LMLN: variants seen among roughly 807,000 people sequenced by gnomAD.
The protein encoded by LMLN is leishmanolysin like peptidase.
Under a neutral mutation model 92.3 loss-of-function variants are expected in LMLN, and 70 were observed. The observed-to-expected ratio is 0.76, with a 90% CI of 0.63 to 0.92. The LOEUF is 0.92. Ranked by LOEUF, LMLN falls within the 40% of genes least tolerant of loss-of-function variation. The pLI is 0.00. For missense variants in LMLN, 691 were observed against 814.6 expected, an observed-to-expected ratio of 0.85 and a Z score of 1.85; for synonymous variants, 308 against 296.2, an observed-to-expected ratio of 1.04 and a Z score of -0.41.
intron 10 of LMLN, among the ~76,000 whole-genome samples, chr3:197,997,647 T>A (rs1474347025): frequency 6.6e-6 from 1 of 152,216 alleles, no homozygotes; most frequent in East Asian, 1.9e-4. Context: ...GCTGTCTTAG[T>A]ATACTTGGTG....
intron 11 of LMLN, among the ~76,000 whole-genome samples, chr3:198,011,943 A>C (rs905575759): frequency 1.3e-5 from 2 of 152,262 alleles, no homozygotes; most frequent in Admixed American, 1.3e-4. Context: ...CAGGCAACCT[A>C]CAGAATGGGA....
chr3:197,997,987 C>A (rs1301720161), intron 10 of LMLN, among the ~76,000 whole-genome samples: 7 of 152,226 alleles, frequency 4.6e-5, no homozygotes, highest in Admixed American at 4.6e-4. Flanking sequence ...GTCAAACTCA[C>A]AGGACCTAAT....
chr3:198,020,766 GTATTT>G (rs1722755882), intron 12 of LMLN, among the ~76,000 whole-genome samples: 2 of 25,644 alleles, frequency 7.8e-5, no homozygotes, highest in African/African-American at 3.7e-4. Context: ...GCTAATTTTT[GTATTT>G]TTTTTTTTTT....
At position 198,031,550 on chromosome 3, in the gene LMLN, A is replaced by G. The variant is rs906533802; in HGVS notation, c.1657-4283A>G. ...TTTATTTTTGAAAATTATTTTCCTA[A>G]TGGATGATTGGGTGCAGGAAAAAAA... On this transcript the variant is annotated intron_variant, in intron 14 of 15. Coordinates refer to ENST00000330198, the Ensembl canonical transcript of LMLN. This position sits in a 1 kb window ranked among gnomAD's most constrained non-coding sequence, Gnocchi z 4.8. Among the ~76,000 whole-genome samples, 1 of 152,094 alleles carries G rather than the reference A, an allele frequency of 6.6e-6. No individual in the cohort carries two copies. Among genetic ancestry groups the G allele is most frequent in the Admixed American group, 6.5e-5 (1 of 15,268 alleles).
exon 15 of LMLN, chr3:198,035,976 C>A: frequency 6.2e-7 from 1 of 1,614,134 alleles, no homozygotes; most frequent in Non-Finnish European, 8.5e-7. Context: ...CATGTTGGGA[C>A]TTCTGTGAGC....
At chr3:197,971,259 C>T (rs1721215043) in intron 1 of LMLN, among the ~76,000 whole-genome samples, 1 of 152,176 alleles carries the variant, frequency 6.6e-6, no homozygotes, top group Admixed American at 6.5e-5. Flanking sequence ...CCTCAGGAAA[C>T]TTACAATCAT....
intron 4 of LMLN, 157 bp from the exon 5 acceptor site, chr3:197,976,441 C>G: frequency 1.9e-6 from 1 of 539,394 alleles, no homozygotes; most frequent in Non-Finnish European, 3.4e-6. Flanking sequence ...AGAGGATTTC[C>G]TATAGAACCC....
At chr3:198,033,406 A>AAT (rs1553827018) in intron 14 of LMLN, among the ~76,000 whole-genome samples, 1 of 151,492 alleles carries the variant, frequency 6.6e-6, no homozygotes. Flanking sequence ...TTATAAAAAA[A>AAT]ATTATTATTT....
chr3:198,029,529 G>A (rs1017304064), intron 14 of LMLN, among the ~76,000 whole-genome samples: 2 of 151,988 alleles, frequency 1.3e-5, no homozygotes, highest in South Asian at 2.1e-4. Context: ...AAAATTAGCC[G>A]GGCATGGTGG....
At chr3:198,033,776 T>C (rs1206103658) in intron 14 of LMLN, among the ~76,000 whole-genome samples, 1 of 152,230 alleles carries the variant, frequency 6.6e-6, no homozygotes, top group Admixed American at 6.5e-5. Flanking sequence ...TTGTGTACTT[T>C]TTTAGTGTCC....
intron 4 of LMLN, 157 bp from the exon 5 acceptor site, chr3:197,976,441 C>T (rs1721383455): frequency 1.9e-6 from 1 of 539,394 alleles, no homozygotes; most frequent in Admixed American, 2.9e-5. Flanking sequence ...AGAGGATTTC[C>T]TATAGAACCC....
chr3:197,997,160 A>G (rs1435529476), intron 10 of LMLN, among the ~76,000 whole-genome samples: 1 of 136,428 alleles, frequency 7.3e-6, no homozygotes, highest in East Asian at 2.1e-4. Flanking sequence ...TTTCTGTCTC[A>G]CTCCACTTGG....
chr3:197,979,928 T>G (rs1391432562), intron 5 of LMLN, among the ~76,000 whole-genome samples: 1 of 152,236 alleles, frequency 6.6e-6, no homozygotes, highest in Non-Finnish European at 1.5e-5. Flanking sequence ...GTAAGATTTT[T>G]TTTACCACTT....
At chr3:197,973,527 G>A (rs750166370) in intron 1 of LMLN, among the ~76,000 whole-genome samples, 2 of 152,156 alleles carry the variant, frequency 1.3e-5, no homozygotes, top group Admixed American at 6.5e-5. Context: ...TGGGATTACA[G>A]GCGTGAGCCA....
rs768662214 is a variant in LMLN, at chr3:198,019,448, TAA to T, written c.1365+66_1365+67del. 9 of 1,469,120 alleles carry T rather than the reference TAA, an allele frequency of 6.1e-6. No individual in the cohort carries two copies. Among genetic ancestry groups the T allele is most frequent in the Non-Finnish European group, 8.3e-6 (9 of 1,087,898 alleles). 91.0% of individuals were successfully genotyped at this position (1,469,120 alleles called of 1,614,324 possible). A position where few individuals can be genotyped will look rare whatever the true frequency, so the allele number is the denominator to read the frequency against. On this transcript the variant is annotated intron_variant, in intron 12 of 15. Transcript: ENST00000330198. This position sits in a 1 kb window ranked among gnomAD's most constrained non-coding sequence, Gnocchi z 5.5. ...TTTCAAAAGTAGTCTCCATTTTAAC[TAA>T]AAGAGTAAATTCTCTTAAGATTCTT...
intron 14 of LMLN, among the ~76,000 whole-genome samples, chr3:198,032,028 G>T (rs1334544802): frequency 4.6e-5 from 7 of 151,752 alleles, no homozygotes; most frequent in Non-Finnish European, 7.4e-5. Flanking sequence ...CTTGAACCCA[G>T]GAGGTGGAGG....
intron 14 of LMLN, 78 bp from the exon 16 acceptor site, chr3:198,035,755 G>A (rs1723201943): frequency 1.8e-6 from 2 of 1,123,734 alleles, no homozygotes; most frequent in Admixed American, 2.2e-5. Flanking sequence ...TTTTCCTGTA[G>A]TTGAAGGAGA....
exon 5 of LMLN, chr3:197,976,640 T>G: frequency 6.2e-7 from 1 of 1,601,296 alleles, no homozygotes; most frequent in Middle Eastern, 1.7e-4. Context: ...AAAACGATCC[T>G]CACAGGTACT....
chr3:198,040,044 G>T (rs867851794), exon 16 of LMLN: 1 of 152,238 alleles, frequency 6.6e-6, no homozygotes, highest in Admixed American at 6.5e-5. Flanking sequence ...CTTTGTGACC[G>T]ATGAAGATAA....
Sources: allele counts gnomAD v4.1 joint callset (sites outside exome capture counted in the v4.1 genomes callset), GRCh38; gene constraint gnomAD v4.1.1; non-coding constraint Gnocchi (gnomAD v3.1); transcripts MANE v1.5; gene names NCBI Gene and HGNC (gene_info 2026-07-23, HGNC 2026-07-21).